The following PLCB1 variants were observed in gnomAD, a reference collection of about 807,000 sequenced individuals.
The protein encoded by PLCB1 is 1-phosphatidylinositol 4,5-bisphosphate phosphodiesterase beta-1.
Under a neutral mutation model 161.8 loss-of-function variants are expected in PLCB1, and 46 were observed. That is an observed-to-expected ratio of 0.28 (90% CI 0.22 to 0.36). The LOEUF is 0.36. PLCB1 is among the 10% of genes least tolerant of loss of function. PLCB1 has a pLI of 1.00. For synonymous variants in PLCB1, 517 were observed against 503.7 expected, an observed-to-expected ratio of 1.03 and a Z score of -0.35; for missense variants, 1,016 against 1,472.5, an observed-to-expected ratio of 0.69 and a Z score of 5.07.
chr20:8,719,350 C>T (rs1269913381), intron 14 of PLCB1, among the ~76,000 whole-genome samples: 3 of 152,122 alleles, frequency 2.0e-5, no homozygotes, highest in African/African-American at 7.2e-5. Flanking sequence ...TACCAAGAGA[C>T]ACGTACAAGA....
chr20:8,346,079 A>AGAAG (rs1985991971), intron 2 of PLCB1, among the ~76,000 whole-genome samples: 1 of 152,188 alleles, frequency 6.6e-6, no homozygotes, highest in African/African-American at 2.4e-5. Context: ...AGTGTACCAG[A>AGAAG]TTTCTATCGT....
intron 2 of PLCB1, among the ~76,000 whole-genome samples, chr20:8,351,149 T>C (rs1986164166): frequency 1.3e-5 from 2 of 152,076 alleles, no homozygotes; most frequent in Admixed American, 6.5e-5. Flanking sequence ...ATTAGATACA[T>C]AGATCAATGG....
chr20:8,765,833 C>T (rs1485309455), intron 26 of PLCB1, among the ~76,000 whole-genome samples: 2 of 152,052 alleles, frequency 1.3e-5, no homozygotes, highest in Admixed American at 6.6e-5. Context: ...GATTACGCCA[C>T]TACGCCTGGC....
intron 16 of PLCB1, among the ~76,000 whole-genome samples, chr20:8,726,341 C>A (rs1048746265): frequency 1.3e-5 from 2 of 152,086 alleles, no homozygotes. Context: ...CAAAATGTTT[C>A]TCTTGTGTTT....
rs369485988 is a variant in PLCB1 at position 8,546,313 on chromosome 20, C to CAAA, written c.247-81958_247-81956dup. On this transcript the variant is annotated intron_variant, in intron 3 of 31. Transcript: ENST00000338037. ...GGATGACAAGAACAAGACTCTATCT[C>CAAA]AAAAAAAAAAAAAAAAAAAAAAAAA... 1.5e-3 allele frequency among the ~76,000 whole-genome samples: 154 copies of CAAA among 102,846 alleles called. 2 individuals carry two copies. Among genetic ancestry groups the CAAA allele is most frequent in the South Asian group, 3.3e-3 (8 of 2,404 alleles). The allele number at this position is 102,846 out of a possible 152,430, so 67.5% of individuals were successfully genotyped here.
intron 3 of PLCB1, among the ~76,000 whole-genome samples, chr20:8,593,695 G>A (rs1987229680): frequency 6.6e-6 from 1 of 151,708 alleles, no homozygotes; most frequent in African/African-American, 2.4e-5. Context: ...GTCTTTATAA[G>A]TAACAGTGAT....
At chr20:8,507,081 C>T (rs1156807249) in intron 3 of PLCB1, among the ~76,000 whole-genome samples, 3 of 151,790 alleles carry the variant, frequency 2.0e-5, no homozygotes, top group African/African-American at 7.3e-5. Flanking sequence ...TGTATTCTTA[C>T]AATAAAGTAA....
intron 2 of PLCB1, among the ~76,000 whole-genome samples, chr20:8,340,329 T>C (rs565728810): frequency 2.0e-5 from 3 of 152,376 alleles, no homozygotes; most frequent in South Asian, 2.1e-4. Context: ...TTTTCCAGGA[T>C]GAGGATTCGA....
intron 2 of PLCB1, among the ~76,000 whole-genome samples, chr20:8,362,721 T>C (rs1341772813): frequency 6.6e-6 from 1 of 152,222 alleles, no homozygotes; most frequent in Non-Finnish European, 1.5e-5. Flanking sequence ...CTGATATAGT[T>C]CACATTGCCT....
intron 31 of PLCB1, among the ~76,000 whole-genome samples, chr20:8,843,296 T>C: frequency 6.6e-6 from 1 of 151,950 alleles, no homozygotes; most frequent in East Asian, 1.9e-4. Flanking sequence ...AGAAATTTTG[T>C]GGAATATCTA....
chr20:8,694,905 G>A (rs1029696722), intron 10 of PLCB1, among the ~76,000 whole-genome samples: 2 of 152,120 alleles, frequency 1.3e-5, no homozygotes, highest in Non-Finnish European at 2.9e-5. Context: ...ACTTCCTTTA[G>A]CTATAGTAGC....
At chr20:8,177,030 A>G (rs1469977836) in intron 2 of PLCB1, among the ~76,000 whole-genome samples, 1 of 152,198 alleles carries the variant, frequency 6.6e-6, no homozygotes, top group Non-Finnish European at 1.5e-5. Flanking sequence ...TGGTATGTCA[A>G]TGTTTGTTGG....
chr20:8,152,860 A>G (rs1398425207), intron 2 of PLCB1, among the ~76,000 whole-genome samples: 1 of 152,166 alleles, frequency 6.6e-6, no homozygotes, highest in Non-Finnish European at 1.5e-5. Context: ...AATCCCTAGC[A>G]GAGGGGATTT....
At chr20:8,687,434 G>A (rs1480289882) in intron 10 of PLCB1, among the ~76,000 whole-genome samples, 1 of 152,020 alleles carries the variant, frequency 6.6e-6, no homozygotes, top group East Asian at 1.9e-4. Flanking sequence ...TGAGATCCTG[G>A]TGCACCCATC....
At chr20:8,371,243 T>C (rs1361308445) in intron 2 of PLCB1, 139 bp from the exon 3 acceptor site, 3 of 584,022 alleles carry the variant, frequency 5.1e-6, no homozygotes, top group South Asian at 2.2e-5. Flanking sequence ...AGAAGTGATA[T>C]AAGAGGAAAG....
intron 3 of PLCB1, among the ~76,000 whole-genome samples, chr20:8,482,604 G>T (rs530196813): frequency 1.3e-5 from 2 of 152,238 alleles, no homozygotes; most frequent in South Asian, 4.1e-4. Flanking sequence ...TAATTTTCCA[G>T]TGAATGCCAA....
At chr20:8,691,858 G>T (rs1398231012) in intron 10 of PLCB1, among the ~76,000 whole-genome samples, 3 of 152,062 alleles carry the variant, frequency 2.0e-5, no homozygotes, top group Non-Finnish European at 4.4e-5. Flanking sequence ...TGGATTTGGG[G>T]TGATTTTGGC....
At chr20:8,519,463 A>T (rs933928578) in intron 3 of PLCB1, among the ~76,000 whole-genome samples, 1 of 152,054 alleles carries the variant, frequency 6.6e-6, no homozygotes, top group Non-Finnish European at 1.5e-5. Context: ...ACAAAACGAA[A>T]CAAAGCACAG....
chr20:8,218,543 A>C (rs1979250098), intron 2 of PLCB1, among the ~76,000 whole-genome samples: 1 of 152,108 alleles, frequency 6.6e-6, no homozygotes, highest in African/African-American at 2.4e-5. Flanking sequence ...ACTGGGAGTA[A>C]TAATAATACC....
Sources: allele counts gnomAD v4.1 joint callset (sites outside exome capture counted in the v4.1 genomes callset), GRCh38; gene constraint gnomAD v4.1.1; transcripts MANE v1.5; gene names NCBI Gene and HGNC (gene_info 2026-07-23, HGNC 2026-07-21).